The following ROBO1 variants were observed in gnomAD, a reference collection of about 807,000 sequenced individuals.
The protein encoded by ROBO1 is roundabout guidance receptor 1, also known as roundabout homolog 1.
Under a neutral mutation model 195.9 loss-of-function variants are expected in ROBO1, and 149 were observed. That is an observed-to-expected ratio of 0.76 (90% CI 0.67 to 0.87). The LOEUF (loss-of-function observed/expected upper bound fraction) is 0.87, where lower values mean the gene tolerates loss of function less well. Ranked by LOEUF, ROBO1 falls within the 40% of genes least tolerant of loss-of-function variation. ROBO1 has a pLI of 0.00. For missense variants in ROBO1, 1,933 were observed against 2,068.3 expected (o/e 0.93, Z 1.27); for synonymous variants, 816 against 733.2 (o/e 1.11, Z -1.82).
At chr3:79,325,067 T>G (rs2034146093) in intron 2 of ROBO1, among the ~76,000 whole-genome samples, 1 of 152,206 alleles carries the variant, frequency 6.6e-6, no homozygotes, top group Non-Finnish European at 1.5e-5. Flanking sequence ...GGATTATCCC[T>G]CAGAGCGCAT....
intron 2 of ROBO1, among the ~76,000 whole-genome samples, chr3:79,249,609 G>A (rs913656195): frequency 2.0e-5 from 3 of 152,128 alleles, no homozygotes; most frequent in African/African-American, 7.2e-5. Context: ...CTCCTATATG[G>A]CATAAGCAAA....
intron 2 of ROBO1, among the ~76,000 whole-genome samples, chr3:79,205,969 T>C (rs976764844): frequency 6.6e-6 from 1 of 152,210 alleles, no homozygotes; most frequent in Admixed American, 6.5e-5. Flanking sequence ...TAGATTATGG[T>C]AGTCCCAGTT....
intron 1 of ROBO1, among the ~76,000 whole-genome samples, chr3:79,739,611 A>G (rs1703538415): frequency 6.6e-6 from 1 of 152,208 alleles, no homozygotes; most frequent in African/African-American, 2.4e-5. Context: ...ATTATTTTAG[A>G]AATATATGAA....
At chr3:79,577,596 C>T (rs1185770246) in intron 2 of ROBO1, among the ~76,000 whole-genome samples, 1 of 152,060 alleles carries the variant, frequency 6.6e-6, no homozygotes, top group African/African-American at 2.4e-5. Flanking sequence ...AAAGAACTGG[C>T]TGGGCGTGGT....
chr3:79,658,277 G>T (rs1946228796), intron 1 of ROBO1, among the ~76,000 whole-genome samples: 1 of 152,018 alleles, frequency 6.6e-6, no homozygotes, highest in South Asian at 2.1e-4. Flanking sequence ...ATTTTTCCTA[G>T]AGCACAATGT....
rs1030980492 is a variant in ROBO1, at chr3:78,732,316, T to C, written c.657+14427A>G. Reference sequence around the variant, plus strand: ...CATGGACCTCCTTAAGCATATTACATTGAAGTTCCCCCTTCCAGCACACCC... The same window carrying C: ...CATGGACCTCCTTAAGCATATTACACTGAAGTTCCCCCTTCCAGCACACCC... On this transcript the variant is annotated intron_variant, in intron 5 of 30. Transcript: ENST00000464233. Among the ~76,000 whole-genome samples, 5 of 152,086 alleles carry C rather than the reference T, an allele frequency of 3.3e-5. No homozygotes were observed. In the South Asian group the frequency reaches 1.0e-3, roughly 31 times the overall value.
chr3:79,321,029 T>C (rs2033956056), intron 2 of ROBO1, among the ~76,000 whole-genome samples: 6 of 152,290 alleles, frequency 3.9e-5, no homozygotes, highest in Admixed American at 2.6e-4. Flanking sequence ...CAATATAATA[T>C]GTAACTACCT....
intron 1 of ROBO1, among the ~76,000 whole-genome samples, chr3:79,725,376 G>A (rs1421947931): frequency 2.0e-5 from 3 of 151,342 alleles, no homozygotes; most frequent in Non-Finnish European, 4.4e-5. Context: ...ACAGGCGCCC[G>A]CCACCACGCC....
chr3:79,409,305 A>T (rs977583086), intron 2 of ROBO1, among the ~76,000 whole-genome samples: 14 of 152,266 alleles, frequency 9.2e-5, no homozygotes, highest in African/African-American at 3.1e-4. Context: ...AGGCAAAAAA[A>T]ATATACATTC....
At chr3:79,527,548 A>G (rs1941483205) in intron 2 of ROBO1, among the ~76,000 whole-genome samples, 1 of 152,162 alleles carries the variant, frequency 6.6e-6, no homozygotes, top group African/African-American at 2.4e-5. Context: ...CTCTAGATAG[A>G]AAAAGAAAAT....
At chr3:79,370,552 C>A (rs938408835) in intron 2 of ROBO1, among the ~76,000 whole-genome samples, 2 of 151,928 alleles carry the variant, frequency 1.3e-5, no homozygotes, top group Non-Finnish European at 2.9e-5. Context: ...AACATGGGAA[C>A]CCTGGGATTG....
chr3:78,694,882 CCTTA>C (rs1399470524), intron 8 of ROBO1, among the ~76,000 whole-genome samples: 1 of 151,750 alleles, frequency 6.6e-6, no homozygotes, highest in Non-Finnish European at 1.5e-5. Context: ...TAAAATAAAC[CCTTA>C]CTTAAAGTCA....
At chr3:78,818,802 C>T (rs540566942) in intron 4 of ROBO1, among the ~76,000 whole-genome samples, 5 of 152,182 alleles carry the variant, frequency 3.3e-5, no homozygotes, top group Admixed American at 3.3e-4. Flanking sequence ...TTCCAGCAGT[C>T]CCCCTCTATC....
At chr3:78,985,994 G>T (rs1343388621) in intron 3 of ROBO1, among the ~76,000 whole-genome samples, 1 of 152,120 alleles carries the variant, frequency 6.6e-6, no homozygotes, top group Non-Finnish European at 1.5e-5. Context: ...ATAACATGAA[G>T]TTAATGATCA....
intron 2 of ROBO1, among the ~76,000 whole-genome samples, chr3:79,221,824 T>C (rs924066214): frequency 6.6e-6 from 1 of 152,118 alleles, no homozygotes; most frequent in African/African-American, 2.4e-5. Flanking sequence ...ATTCTAACTA[T>C]GCTAAATTAA....
intron 1 of ROBO1, among the ~76,000 whole-genome samples, chr3:79,594,146 G>C (rs994363006): frequency 1.1e-4 from 17 of 151,916 alleles, no homozygotes; most frequent in African/African-American, 4.1e-4. Context: ...CCTATTTTAG[G>C]ATATAACGTT....
At chr3:79,354,665 C>T (rs754478069) in intron 2 of ROBO1, among the ~76,000 whole-genome samples, 2 of 152,242 alleles carry the variant, frequency 1.3e-5, no homozygotes, top group Non-Finnish European at 2.9e-5. Flanking sequence ...TTGAACTCTG[C>T]CTCTTATTTC....
chr3:79,561,416 C>T (rs1942916196), intron 2 of ROBO1, among the ~76,000 whole-genome samples: 1 of 152,168 alleles, frequency 6.6e-6, no homozygotes, highest in African/African-American at 2.4e-5. Flanking sequence ...GTATAAGCAC[C>T]TATGTGCCCT....
At chr3:79,592,823 C>G (rs954844483) in intron 1 of ROBO1, among the ~76,000 whole-genome samples, 1 of 152,036 alleles carries the variant, frequency 6.6e-6, no homozygotes. Context: ...ATGTATATGA[C>G]ACATATCAAA....
Sources: allele counts gnomAD v4.1 joint callset (sites outside exome capture counted in the v4.1 genomes callset), GRCh38; gene constraint gnomAD v4.1.1; transcripts MANE v1.5; gene names NCBI Gene and HGNC (gene_info 2026-07-23, HGNC 2026-07-21).